The following ZNF428 variants were observed in gnomAD, a reference collection of about 807,000 sequenced individuals.
The protein encoded by ZNF428 is enzyme-like protein PIT13.
Under a neutral mutation model 15.6 loss-of-function variants are expected in ZNF428, and 5 were observed. The ratio of observed to expected loss-of-function variants is 0.32; its 90% CI spans 0.17 to 0.67. ZNF428 has a LOEUF of 0.67. ZNF428 is among the 30% of genes least tolerant of loss of function. The pLI is 0.73. For missense variants in ZNF428, 237 were observed against 256.0 expected (o/e 0.93, Z 0.51); for synonymous variants, 97 against 102.2 (o/e 0.95, Z 0.31).
At chr19:43,611,760 CCAT>C (rs1973299772) in intron 2 of ZNF428, among the ~76,000 whole-genome samples, 1 of 152,242 alleles carries the variant, frequency 6.6e-6, no homozygotes, top group Non-Finnish European at 1.5e-5. Context: ...GCACTGCTCT[CCAT>C]CACACCCTGA....
chr19:43,614,044 C>T (rs1357843953), intron 2 of ZNF428, 185 bp downstream of exon 2: 1 of 1,552,386 alleles, frequency 6.4e-7, no homozygotes, highest in East Asian at 2.4e-5. Context: ...AGAGCGACCC[C>T]AGTCAATCTA....
chr19:43,613,888 G>T, intron 2 of ZNF428: 3 of 1,551,382 alleles, frequency 1.9e-6, no homozygotes, highest in Non-Finnish European at 1.7e-6. Context: ...GCTCCAGCGA[G>T]GAGAGAGATC....
At chr19:43,611,624 CCTTT>C (rs774248998) in intron 2 of ZNF428, among the ~76,000 whole-genome samples, 10 of 152,130 alleles carry the variant, frequency 6.6e-5, no homozygotes, top group Non-Finnish European at 1.0e-4. Flanking sequence ...CCAGCCTGAC[CCTTT>C]CTTTCTCTAC....
intron 2 of ZNF428, chr19:43,613,062 C>G: frequency 6.4e-7 from 1 of 1,551,482 alleles, no homozygotes. Context: ...CATAGCAGGG[C>G]AAGAAGTCGC....
chr19:43,607,628 C>G lies in ZNF428; in HGVS notation c.556G>C (p.Gly186Arg). Residue 186 changes from glycine to arginine, a missense_variant, in exon 3 of 3, where the codon GGT (glycine) becomes CGT (arginine). Physicochemically the swap from Gly to Arg is moderately radical, Grantham distance 125. Coordinates refer to ENST00000300811, the MANE Select transcript of ZNF428 (RefSeq NM_182498.4). The surrounding 1 kb of genome is among the most constrained non-coding windows in gnomAD (Gnocchi z 5.1). ...TATGGGGGCTCTGCCTACACCTCAC[C>G]CCGGGCATGCAGCATGAAGTGCCCG... Reference protein sequence around the residue: ...LHGHFMLHARGEV With the variant: ...LHGHFMLHARREV The G allele has an allele frequency of 6.3e-7, 1 of 1,588,388 alleles. No individual in the cohort carries two copies. The highest frequency in any genetic ancestry group is 8.6e-7 in the Non-Finnish European group (1 of 1,164,640).
intron 2 of ZNF428, among the ~76,000 whole-genome samples, chr19:43,609,737 G>A (rs1973275841): frequency 2.0e-5 from 3 of 150,006 alleles, no homozygotes; most frequent in South Asian, 2.1e-4. Context: ...GCAAGACTCC[G>A]TTCCCAAAAA....
chr19:43,607,585 C>T lies in ZNF428; in HGVS notation c.*32G>A. Reference sequence around the variant, plus strand: ...TCAGCCCCCTCCTCCCACCCCACCCCTTCTGCCAAGCTCCCCGTATGGGGG... The same window carrying T: ...TCAGCCCCCTCCTCCCACCCCACCCTTTCTGCCAAGCTCCCCGTATGGGGG... On this transcript the variant is annotated 3_prime_UTR_variant, in exon 3 of 3. Coordinates refer to ENST00000300811, the MANE Select transcript of ZNF428 (RefSeq NM_182498.4). The surrounding 1 kb of genome is among the most constrained non-coding windows in gnomAD (Gnocchi z 5.1). 6.5e-7 allele frequency: 1 copy of T among 1,544,582 alleles called. No homozygotes were observed. The highest frequency in any genetic ancestry group is 1.2e-5 in the South Asian group (1 of 80,716).
At chr19:43,610,490 G>A (rs779005486) in intron 2 of ZNF428, among the ~76,000 whole-genome samples, 7 of 151,702 alleles carry the variant, frequency 4.6e-5, no homozygotes, top group Admixed American at 2.0e-4. Context: ...ATGAGCCACC[G>A]CAGCCGGCTC....
intron 1 of ZNF428, among the ~76,000 whole-genome samples, chr19:43,617,251 C>G (rs1178380161): frequency 6.6e-6 from 1 of 152,062 alleles, no homozygotes; most frequent in Non-Finnish European, 1.5e-5. Flanking sequence ...GGACCGCCCC[C>G]GCCCCCCACC....
chr19:43,618,647 C>A (rs1172968062), intron 1 of ZNF428, among the ~76,000 whole-genome samples: 1 of 144,294 alleles, frequency 6.9e-6, no homozygotes, highest in Admixed American at 7.2e-5. Flanking sequence ...TGGTCTCAAG[C>A]GATCCTCCTG....
In ZNF428 at chr19:43,607,401, A is replaced by G; in HGVS notation, c.*216T>C. On this transcript the variant is annotated 3_prime_UTR_variant, in exon 3 of 3. Transcript: ENST00000300811. This position sits in a 1 kb window ranked among gnomAD's most constrained non-coding sequence, Gnocchi z 5.1. The stretch of plus-strand genomic sequence containing the variant: ...CACACACACACACACACACAAACAC[A>G]CACACGGGCGGGAATACACACACAC... The G allele has an allele frequency of 1.8e-6, 1 of 552,018 alleles. No homozygotes were observed. The highest frequency in any genetic ancestry group is 3.2e-5 in the East Asian group (1 of 30,850). 34.2% of individuals were successfully genotyped at this position (552,018 alleles called of 1,614,324 possible).
rs947950020 is a variant in ZNF428, at chr19:43,607,864, C to G, written c.320G>C (p.Gly107Ala). Residue 107 changes from glycine to alanine, a missense_variant, in exon 3 of 3, where the codon GGA becomes GCA. By Grantham distance (60) the Gly-to-Ala change is moderately conservative (BLOSUM62 0). Coordinates refer to ENST00000300811, the MANE Select transcript of ZNF428 (RefSeq NM_182498.4). The surrounding 1 kb of genome is among the most constrained non-coding windows in gnomAD (Gnocchi z 5.1). ...GRSPLGEAPP[G>A]TPPCRLCCPA... ...GCAGCAGAGCCGGCAGGGTGGGGTT[C>G]CCGGTGGGGCCTCCCCAAGGGGTGA... 4.5e-6 allele frequency: 7 copies of G among 1,555,320 alleles called. No individual in the cohort carries two copies. In the African/African-American group the frequency reaches 8.2e-5, roughly 18 times the overall value.
intron 2 of ZNF428, chr19:43,613,015 G>A (rs1202643145): frequency 1.2e-5 from 19 of 1,551,478 alleles, no homozygotes; most frequent in Non-Finnish European, 1.7e-5. Context: ...AGAAGAGGAC[G>A]CACAGCAGAG....
chr19:43,612,579 G>C lies in ZNF428; in HGVS notation c.76+1650C>G, dbSNP rs1217328749. The C allele has an allele frequency of 3.2e-6, 5 of 1,551,514 alleles. No homozygotes were observed. The highest frequency in any genetic ancestry group is 4.4e-6 in the Non-Finnish European group (5 of 1,146,994). On this transcript the variant is annotated intron_variant, in intron 2 of 2. Transcript: ENST00000300811. The surrounding 1 kb of genome is among the most constrained non-coding windows in gnomAD (Gnocchi z 4.2). Reference sequence around the variant, plus strand: ...ATAAGAACTCATGGTGCCAGACCAGGCATGGCCAGCAGGGTGAGAACTCCC... The same window carrying C: ...ATAAGAACTCATGGTGCCAGACCAGCCATGGCCAGCAGGGTGAGAACTCCC...
Position 43,614,434 on chromosome 19 carries a change from G to C in ZNF428, c.-130C>G. ...AGGATGTTGGCAGGTAGAGAGGGATGCTGGATAGGGGGAAAGGAAAGACCT... is the reference window on the plus strand; with the variant it reads ...AGGATGTTGGCAGGTAGAGAGGGATCCTGGATAGGGGGAAAGGAAAGACCT... On this transcript the variant is annotated splice_region_variant and 5_prime_UTR_variant, in exon 2 of 3. Transcript: ENST00000300811. 4 of 1,451,072 alleles carry C rather than the reference G, an allele frequency of 2.8e-6. No homozygotes were observed. Among genetic ancestry groups the C allele is most frequent in the Non-Finnish European group, 3.6e-6 (4 of 1,106,004 alleles). 89.9% of individuals were successfully genotyped at this position (1,451,072 alleles called of 1,614,324 possible).
Position 43,612,062 on chromosome 19 carries a change from G to A in ZNF428, c.76+2167C>T, listed in dbSNP as rs1335533117. ...ACAGGCAATCAGGTCATCGTCCACG[G>A]CTACCAGGTGTTTCATGTCTACTGT... On this transcript the variant is annotated intron_variant, in intron 2 of 2. Transcript: ENST00000300811. This position sits in a 1 kb window ranked among gnomAD's most constrained non-coding sequence, Gnocchi z 4.2. 1.5e-6 allele frequency: 2 copies of A among 1,299,350 alleles called. No homozygotes were observed. The highest frequency in any genetic ancestry group is 4.1e-5 in the Admixed American group (2 of 48,812). The allele number at this position is 1,299,350 out of a possible 1,614,324, so 80.5% of individuals were successfully genotyped here. A position where few individuals can be genotyped will look rare whatever the true frequency, so the allele number is the denominator to read the frequency against.
rs1973350747 is a variant in ZNF428, at chr19:43,614,378, G to A, written c.-74C>T. 2.0e-6 allele frequency: 3 copies of A among 1,521,122 alleles called. No homozygotes were observed. The highest frequency in any genetic ancestry group is 2.8e-5 in the African/African-American group (2 of 72,064). 94.2% of individuals were successfully genotyped at this position (1,521,122 alleles called of 1,614,324 possible). On this transcript the variant is annotated 5_prime_UTR_variant, in exon 2 of 3. Coordinates refer to ENST00000300811, the MANE Select transcript of ZNF428 (RefSeq NM_182498.4). ...GTCCCTCCCCGGCCAGCTCTCCACA[G>A]CCACACCTCCGGCCACAAGTTCTCT...
At chr19:43,608,222 T>G in intron 2 of ZNF428, 115 bp from the exon 3 acceptor site, 1 of 1,394,474 alleles carries the variant, frequency 7.2e-7, no homozygotes, top group Non-Finnish European at 9.7e-7. Flanking sequence ...AAGGATAGCC[T>G]AGACACTACC....
intron 1 of ZNF428, among the ~76,000 whole-genome samples, chr19:43,615,516 A>G (rs926646470): frequency 9.2e-5 from 14 of 151,800 alleles, no homozygotes; most frequent in Admixed American, 3.3e-4. Flanking sequence ...CCTAGGCAAC[A>G]TGGCAAACTT....
Sources: allele counts gnomAD v4.1 joint callset (sites outside exome capture counted in the v4.1 genomes callset), GRCh38; gene constraint gnomAD v4.1.1; non-coding constraint Gnocchi (gnomAD v3.1); transcripts MANE v1.5; gene names NCBI Gene and HGNC (gene_info 2026-07-23, HGNC 2026-07-21).